The following NTM variants were observed in gnomAD, a reference collection of about 807,000 sequenced individuals.
The protein encoded by NTM is neurotrimin, also known as IgLON family member 2.
Under a neutral mutation model 42.1 loss-of-function variants are expected in NTM, and 13 were observed. That is an observed-to-expected ratio of 0.31 (90% CI 0.20 to 0.49). The LOEUF (loss-of-function observed/expected upper bound fraction) is 0.49, where lower values mean the gene tolerates loss of function less well. Ranked by LOEUF, NTM falls within the 20% of genes least tolerant of loss-of-function variation. NTM has a pLI of 0.99. For missense variants in NTM, 373 were observed against 452.8 expected (o/e 0.82, Z 1.60); for synonymous variants, 187 against 179.2 (o/e 1.04, Z -0.35).
chr11:132,014,443 T>G (rs1478713263), intron 2 of NTM, among the ~76,000 whole-genome samples: 3 of 152,104 alleles, frequency 2.0e-5, no homozygotes, highest in Non-Finnish European at 4.4e-5. Context: ...GATAGTTCTA[T>G]TTTTATTTTT....
At chr11:131,860,180 C>A (rs555367785) in intron 1 of NTM, among the ~76,000 whole-genome samples, 2 of 152,274 alleles carry the variant, frequency 1.3e-5, no homozygotes, top group African/African-American at 4.8e-5. Flanking sequence ...AGTGAGACAG[C>A]CTTCACTGAG....
At chr11:131,664,966 G>A (rs772745381) in intron 1 of NTM, among the ~76,000 whole-genome samples, 1 of 152,014 alleles carries the variant, frequency 6.6e-6, no homozygotes, top group East Asian at 1.9e-4. Context: ...TATCCTCCGC[G>A]CTTCTGCTGG....
chr11:131,891,478 C>A (rs903512945), intron 1 of NTM, among the ~76,000 whole-genome samples: 5 of 152,090 alleles, frequency 3.3e-5, no homozygotes, highest in Non-Finnish European at 7.4e-5. Flanking sequence ...AAAAAGAGGC[C>A]TTTTCAAAAA....
intron 1 of NTM, among the ~76,000 whole-genome samples, chr11:131,591,078 A>G (rs184537065): frequency 1.3e-3 from 204 of 152,314 alleles, no homozygotes; most frequent in African/African-American, 4.8e-3. Flanking sequence ...CCATTCTGGG[A>G]GAGTCAGCAG....
intron 2 of NTM, among the ~76,000 whole-genome samples, chr11:132,087,368 C>T (rs963563520): frequency 2.0e-5 from 3 of 152,212 alleles, no homozygotes; most frequent in African/African-American, 7.2e-5. Context: ...TTGGCTTAAT[C>T]AGCAAGAATT....
At chr11:131,691,190 C>T (rs1365293808) in intron 1 of NTM, among the ~76,000 whole-genome samples, 1 of 152,206 alleles carries the variant, frequency 6.6e-6, no homozygotes, top group Non-Finnish European at 1.5e-5. Context: ...CCTGCACCCA[C>T]AGCCTACGGC....
intron 1 of NTM, among the ~76,000 whole-genome samples, chr11:131,909,313 A>C (rs1484925294): frequency 6.6e-6 from 1 of 152,178 alleles, no homozygotes; most frequent in Non-Finnish European, 1.5e-5. Flanking sequence ...TGGTATCTAC[A>C]TGTAAGTGAT....
chr11:132,303,712 C>CAAAAA (rs139688601), intron 4 of NTM, among the ~76,000 whole-genome samples: 2 of 113,166 alleles, frequency 1.8e-5, no homozygotes, highest in Non-Finnish European at 3.8e-5. Flanking sequence ...TTCTAGGTGA[C>CAAAAA]AAAAAAAAAA....
chr11:132,314,945 T>C, intron 7 of NTM: 6 of 1,218,190 alleles, frequency 4.9e-6, no homozygotes, highest in Non-Finnish European at 6.1e-6. Context: ...AAGTAGTATA[T>C]GTATAGTACA....
In NTM at chr11:132,251,436, A is replaced by G. The variant is rs147284432; in HGVS notation, c.526+39289A>G. Among the ~76,000 whole-genome samples the G allele has an allele frequency of 3.2e-3, 485 of 152,294 alleles. 4 individuals carry two copies. The highest frequency in any genetic ancestry group is 0.011 in the African/African-American group (457 of 41,570). ...AACTGTCTCATCCAGTTCCTTTGGT[A>G]GTTTTCAAAGGGAGGGTAGCCTGAA... On this transcript the variant is annotated intron_variant, in intron 4 of 8. Coordinates refer to ENST00000683400, the MANE Select transcript of NTM (RefSeq NM_001352005.2).
At chr11:131,834,677 T>C (rs1468669872) in intron 1 of NTM, among the ~76,000 whole-genome samples, 1 of 146,772 alleles carries the variant, frequency 6.8e-6, no homozygotes. Flanking sequence ...AGTGGGATAG[T>C]AAGATTATTA....
chr11:132,317,646 CCGATTTAGAACTAAAT>C, intron 7 of NTM: 3 of 1,302,418 alleles, frequency 2.3e-6, no homozygotes, highest in South Asian at 2.5e-5. Flanking sequence ...TGTCCCTCAA[CCGATTTAGAACTAAAT>C]GAGCCTACGA....
chr11:131,967,132 G>A (rs35361897), intron 2 of NTM, among the ~76,000 whole-genome samples: 24,713 of 152,158 alleles, frequency 0.16, 2,174 homozygotes, highest in Middle Eastern at 0.22. Flanking sequence ...ACATAAAAGC[G>A]GACATGCCAA....
chr11:132,234,257 A>G (rs1036472452), intron 4 of NTM, among the ~76,000 whole-genome samples: 2 of 152,192 alleles, frequency 1.3e-5, no homozygotes, highest in Non-Finnish European at 2.9e-5. Flanking sequence ...TGTAGCATAC[A>G]GCATTCTGTG....
rs573060068 is a variant in NTM, at chr11:131,870,416, C to T, written c.83-41148C>T. Among the ~76,000 whole-genome samples, 15 of 152,310 alleles carry T rather than the reference C, an allele frequency of 9.8e-5. No homozygotes were observed. In the South Asian group the frequency reaches 1.9e-3, roughly 19 times the overall value. On this transcript the variant is annotated intron_variant, in intron 1 of 8. Transcript: ENST00000683400. ...CTCCTGGTTGAATATTGGGTGCTCT[C>T]TGAATGATGGTCTCTTTCCTCTGAG...
At chr11:132,069,460 A>G (rs34768197) in intron 2 of NTM, among the ~76,000 whole-genome samples, 3 of 94,168 alleles carry the variant, frequency 3.2e-5, no homozygotes, top group African/African-American at 1.5e-4. Context: ...TAACACGTCA[A>G]ACTGACCGTC....
rs1490799591 is a variant in NTM, at chr11:132,335,641, A to G, written c.*495A>G. The G allele has an allele frequency of 6.6e-6, 1 of 152,642 alleles. No homozygotes were observed. The allele number at this position is 152,642 out of a possible 1,614,324, so 9.5% of individuals were successfully genotyped here. A position where few individuals can be genotyped will look rare whatever the true frequency, so the allele number is the denominator to read the frequency against. ...GGCGTGTGTTGTGAAACGTGAAATA[A>G]AAAGAGCAAGAAAGAAAAAGGAAAC... On this transcript the variant is annotated 3_prime_UTR_variant, in exon 9 of 9. Transcript: ENST00000683400.
intron 2 of NTM, among the ~76,000 whole-genome samples, chr11:132,089,213 G>T (rs1219424581): frequency 1.3e-5 from 2 of 152,190 alleles, no homozygotes; most frequent in Non-Finnish European, 1.5e-5. Flanking sequence ...CTGTTACCAT[G>T]AGCCTTGCTC....
intron 1 of NTM, among the ~76,000 whole-genome samples, chr11:131,374,163 C>T (rs993266365): frequency 1.6e-4 from 24 of 152,186 alleles, no homozygotes; most frequent in African/African-American, 5.5e-4. Flanking sequence ...AAGGGGAGGG[C>T]GTCAGGGAGC....
Sources: gnomAD v4.1 joint callset for allele counts (sites outside exome capture counted in the v4.1 genomes callset) on GRCh38, gnomAD v4.1.1 for gene constraint, MANE v1.5 for transcripts, NCBI Gene and HGNC (gene_info 2026-07-23, HGNC 2026-07-21) for gene names.